The following DLG2 variants were observed in gnomAD, a reference collection of about 807,000 sequenced individuals.
DLG2 encodes disks large homolog 2.
Under a neutral mutation model 132.5 loss-of-function variants are expected in DLG2, and 45 were observed. That is an observed-to-expected ratio of 0.34 (90% CI 0.27 to 0.44). The LOEUF (loss-of-function observed/expected upper bound fraction) is 0.44. Among genes scored for constraint, DLG2 ranks in the 20% least tolerant of loss-of-function variants. DLG2 has a pLI of 1.00. For synonymous variants in DLG2, 424 were observed against 419.6 expected (o/e 1.01, Z -0.13); for missense variants, 1,045 against 1,196.9 (o/e 0.87, Z 1.87).
At chr11:84,689,207 AATC>A (rs762270322) in intron 6 of DLG2, among the ~76,000 whole-genome samples, 3 of 152,132 alleles carry the variant, frequency 2.0e-5, no homozygotes, top group South Asian at 2.1e-4. Context: ...ATATGTATAA[AATC>A]ATCATTTTGT....
intron 6 of DLG2, among the ~76,000 whole-genome samples, chr11:84,612,404 A>C (rs1359300970): frequency 6.6e-6 from 1 of 152,090 alleles, no homozygotes; most frequent in Non-Finnish European, 1.5e-5. Context: ...AGAAGTCGTC[A>C]TTGACTTATG....
At chr11:85,064,439 C>T (rs1164712599) in intron 6 of DLG2, among the ~76,000 whole-genome samples, 2 of 151,690 alleles carry the variant, frequency 1.3e-5, no homozygotes, top group Admixed American at 6.6e-5. Flanking sequence ...ATTGTTCAAG[C>T]TAAAAATCTG....
At chr11:84,914,107 T>C (rs2092303266) in intron 6 of DLG2, among the ~76,000 whole-genome samples, 1 of 152,228 alleles carries the variant, frequency 6.6e-6, no homozygotes, top group Non-Finnish European at 1.5e-5. Flanking sequence ...GTTATACCTA[T>C]AGAAATAAAT....
chr11:85,265,676 C>T (rs919204637), intron 4 of DLG2, among the ~76,000 whole-genome samples: 3 of 152,188 alleles, frequency 2.0e-5, no homozygotes, highest in Non-Finnish European at 2.9e-5. Flanking sequence ...TGTCTTTTTA[C>T]CAATCAAATG....
At chr11:84,625,171 C>T (rs2099620568) in intron 6 of DLG2, among the ~76,000 whole-genome samples, 1 of 151,986 alleles carries the variant, frequency 6.6e-6, no homozygotes, top group Admixed American at 6.5e-5. Flanking sequence ...GAGAGTCAAC[C>T]TTTTATTCAA....
intron 18 of DLG2, among the ~76,000 whole-genome samples, chr11:83,707,797 A>T (rs552783886): frequency 6.6e-6 from 1 of 152,352 alleles, no homozygotes; most frequent in East Asian, 1.9e-4. Flanking sequence ...ACCCTGTCTT[A>T]ATCATCTTTA....
intron 3 of DLG2, among the ~76,000 whole-genome samples, chr11:85,571,018 G>A (rs1196894495): frequency 1.3e-5 from 2 of 151,670 alleles, no homozygotes; most frequent in Non-Finnish European, 2.9e-5. Context: ...GTTTTCTTTA[G>A]TTTTTTTAAC....
At chr11:84,698,283 T>C (rs907972042) in intron 6 of DLG2, among the ~76,000 whole-genome samples, 1 of 151,562 alleles carries the variant, frequency 6.6e-6, no homozygotes, top group African/African-American at 2.4e-5. Context: ...ATTATCTCAC[T>C]TTCTCTGTTT....
At chr11:83,990,872 G>T (rs1592531252) in intron 11 of DLG2, among the ~76,000 whole-genome samples, 1 of 127,964 alleles carries the variant, frequency 7.8e-6, no homozygotes, top group African/African-American at 3.1e-5. Context: ...TGTCTACATG[G>T]TTTTATTAAA....
intron 3 of DLG2, among the ~76,000 whole-genome samples, chr11:85,390,573 A>G (rs970760556): frequency 6.6e-6 from 1 of 152,096 alleles, no homozygotes; most frequent in African/African-American, 2.4e-5. Context: ...AAGAAAATCT[A>G]AATTATAGCA....
intron 6 of DLG2, among the ~76,000 whole-genome samples, chr11:84,884,811 T>C (rs1410095932): frequency 6.6e-6 from 1 of 152,072 alleles, no homozygotes; most frequent in Non-Finnish European, 1.5e-5. Flanking sequence ...AAATATTAAA[T>C]GAAAAATTAC....
At chr11:84,099,138 A>C in intron 9 of DLG2, 91 bp from the exon 10 acceptor site, 1 of 1,196,772 alleles carries the variant, frequency 8.4e-7, no homozygotes, top group African/African-American at 1.5e-5. Context: ...TACTACTCAA[A>C]TGGAAATCAG....
chr11:84,269,416 G>A (rs1304294529), intron 7 of DLG2, among the ~76,000 whole-genome samples: 2 of 152,154 alleles, frequency 1.3e-5, no homozygotes, highest in African/African-American at 4.8e-5. Context: ...CATCATTACT[G>A]AGCGTCAAAA....
At chr11:84,559,839 T>C (rs2099420368) in intron 6 of DLG2, among the ~76,000 whole-genome samples, 1 of 152,194 alleles carries the variant, frequency 6.6e-6, no homozygotes, top group Non-Finnish European at 1.5e-5. Flanking sequence ...TCTATTTTAA[T>C]TTTAAATTGA....
chr11:85,505,508 T>C (rs970386145), intron 3 of DLG2, among the ~76,000 whole-genome samples: 7 of 152,218 alleles, frequency 4.6e-5, no homozygotes, highest in Admixed American at 3.3e-4. Flanking sequence ...TCTGCTTATA[T>C]GATGAATTAC....
chr11:84,521,765 T>C (rs2099302013), intron 7 of DLG2, among the ~76,000 whole-genome samples: 1 of 152,250 alleles, frequency 6.6e-6, no homozygotes, highest in Admixed American at 6.5e-5. Context: ...TTGGAAATGA[T>C]ATTTCAAATA....
intron 6 of DLG2, among the ~76,000 whole-genome samples, chr11:84,688,031 A>G (rs1330037867): frequency 6.6e-6 from 1 of 152,158 alleles, no homozygotes; most frequent in Non-Finnish European, 1.5e-5. Context: ...TACTGTGTAT[A>G]TATGTGATAG....
At chr11:85,045,000 T>C (rs2062201803) in intron 6 of DLG2, among the ~76,000 whole-genome samples, 1 of 152,058 alleles carries the variant, frequency 6.6e-6, no homozygotes, top group Non-Finnish European at 1.5e-5. Flanking sequence ...TTGCTTTTCA[T>C]GAGAGCTGGA....
intron 2 of DLG2, among the ~76,000 whole-genome samples, chr11:85,619,909 G>C (rs1206736727): frequency 6.6e-6 from 1 of 151,818 alleles, no homozygotes; most frequent in Admixed American, 6.6e-5. Context: ...TTGGTAAAAT[G>C]CTTGCAAAAG....
Sources: gnomAD v4.1 joint callset for allele counts (sites outside exome capture counted in the v4.1 genomes callset) on GRCh38, gnomAD v4.1.1 for gene constraint, MANE v1.5 for transcripts, NCBI Gene and HGNC (gene_info 2026-07-23, HGNC 2026-07-21) for gene names.